CEP192: variants seen among roughly 807,000 people sequenced by gnomAD.
CEP192 encodes centrosomal protein 192.
Under a neutral mutation model 271.8 loss-of-function variants are expected in CEP192, and 151 were observed. That is an observed-to-expected ratio of 0.56 (90% CI 0.49 to 0.64). CEP192 has a LOEUF of 0.64. Ranked by LOEUF, CEP192 falls within the 30% of genes least tolerant of loss-of-function variation. CEP192 has a pLI of 0.00. For missense variants in CEP192, 2,910 were observed against 3,020.5 expected, an observed-to-expected ratio of 0.96 and a Z score of 0.86; for synonymous variants, 995 against 1,076.5, an observed-to-expected ratio of 0.92 and a Z score of 1.48.
intron 34 of CEP192, 66 bp from the exon 35 acceptor site, chr18:13,095,437 T>C: frequency 8.0e-7 from 1 of 1,246,510 alleles, no homozygotes. Flanking sequence ...TCTGGCCTTT[T>C]ATCATTTTTA....
At position 13,085,910 on chromosome 18, in the gene CEP192, G is replaced by GT. The variant is rs199803427; in HGVS notation, c.5617-1097dup. On this transcript the variant is annotated intron_variant, in intron 30 of 44. Transcript: ENST00000506447. Reference sequence around the variant, plus strand: ...TTGGTTCCATATGAACTTTAAAGTAGTTTTTTTTTTCTAATTCTGTGAAGA... The same window carrying GT: ...TTGGTTCCATATGAACTTTAAAGTAGTTTTTTTTTTTCTAATTCTGTGAAGA... Among the ~76,000 whole-genome samples, 922 of 149,886 alleles carry GT rather than the reference G, an allele frequency of 6.2e-3. 12 individuals are homozygous for GT. The highest frequency in any genetic ancestry group is 0.037 in the East Asian group (189 of 5,130).
Position 13,116,416 on chromosome 18 carries a change from G to A in CEP192, c.7329G>A (p.Glu2443=), listed in dbSNP as rs1186020881. The part of the protein sequence containing the change: ...DVTARGVYAP[E]DVYRFRPTSV... ...CTGCTCGTGGAGTTTATGCCCCAGA[G>A]GATGTGTACAGGTTCCGGCCGACTA... The change falls in exon 43 of 45, where the codon GAG becomes GAA. Residue 2443 remains glutamate (E), a synonymous_variant. Coordinates refer to ENST00000506447, the MANE Select transcript of CEP192 (RefSeq NM_032142.4). 1 of 1,613,008 alleles carries A rather than the reference G, an allele frequency of 6.2e-7. No individual in the cohort carries two copies. Among genetic ancestry groups the A allele is most frequent in the Admixed American group, 1.7e-5 (1 of 59,798 alleles).
intron 30 of CEP192, among the ~76,000 whole-genome samples, chr18:13,078,421 G>C (rs887604814): frequency 1.3e-5 from 2 of 152,186 alleles, no homozygotes; most frequent in Non-Finnish European, 2.9e-5. Flanking sequence ...ATAGCAGCAT[G>C]ATTTATAATC....
intron 1 of CEP192, among the ~76,000 whole-genome samples, chr18:12,997,705 C>T (rs2033342027): frequency 6.6e-6 from 1 of 152,130 alleles, no homozygotes; most frequent in African/African-American, 2.4e-5. Flanking sequence ...TCTTTTAACT[C>T]CTATTCCAAA....
At chr18:13,042,356 GA>G in intron 15 of CEP192, 22 bp downstream of exon 15, 1 of 1,612,142 alleles carries the variant, frequency 6.2e-7, no homozygotes, top group Non-Finnish European at 8.5e-7. Flanking sequence ...CTTTCGTAAG[GA>G]AATCTAAGAT....
At chr18:13,003,442 CTG>C (rs1239437497) in intron 3 of CEP192, among the ~76,000 whole-genome samples, 1 of 122,116 alleles carries the variant, frequency 8.2e-6, no homozygotes, top group African/African-American at 3.3e-5. Flanking sequence ...GAGTGAGACT[CTG>C]TCTCAAGAAA....
At chr18:13,096,747 T>G (rs1766216447) in intron 36 of CEP192, among the ~76,000 whole-genome samples, 1 of 152,246 alleles carries the variant, frequency 6.6e-6, no homozygotes, top group Admixed American at 6.5e-5. Flanking sequence ...ATGATGTTTT[T>G]CAGACAAAGC....
intron 15 of CEP192, among the ~76,000 whole-genome samples, chr18:13,046,275 G>T (rs1243750202): frequency 1.3e-5 from 2 of 152,248 alleles, no homozygotes; most frequent in East Asian, 3.9e-4. Context: ...ATAACACCAA[G>T]CCATGAGGGG....
At chr18:13,073,650 A>G (rs2038125018) in intron 30 of CEP192, among the ~76,000 whole-genome samples, 20 of 152,234 alleles carry the variant, frequency 1.3e-4, no homozygotes, top group Admixed American at 1.3e-3. Flanking sequence ...GCCCAAGATT[A>G]GAGCACCAGC....
chr18:13,027,114 T>C (rs2035345318), intron 9 of CEP192, among the ~76,000 whole-genome samples: 1 of 152,112 alleles, frequency 6.6e-6, no homozygotes, highest in Non-Finnish European at 1.5e-5. Flanking sequence ...TCCACAAGTG[T>C]TTCTCAGTTT....
chr18:13,030,676 A>T, intron 11 of CEP192, 68 bp downstream of exon 11: 9 of 1,290,948 alleles, frequency 7.0e-6, no homozygotes, highest in Non-Finnish European at 9.8e-6. Flanking sequence ...ATTACTGTGT[A>T]TATGTTGGTC....
At chr18:13,046,234 G>C (rs945634800) in intron 15 of CEP192, among the ~76,000 whole-genome samples, 4 of 152,124 alleles carry the variant, frequency 2.6e-5, no homozygotes, top group Non-Finnish European at 5.9e-5. Context: ...CAAACAACCA[G>C]GTCTTAGGAG....
At chr18:13,001,611 T>A in intron 3 of CEP192, 29 bp downstream of exon 3, 1 of 1,532,700 alleles carries the variant, frequency 6.5e-7, no homozygotes. Context: ...TTGCTTGTAC[T>A]GTGTTAAAAG....
rs148962615 is a variant in CEP192, at chr18:13,000,726, G to A, written c.165-731G>A. Among the ~76,000 whole-genome samples the A allele has an allele frequency of 5.9e-3, 903 of 152,328 alleles. 10 individuals are homozygous for A. Among genetic ancestry groups the A allele is most frequent in the African/African-American group, 0.021 (868 of 41,572 alleles). The stretch of plus-strand genomic sequence containing the variant: ...TCCCAGCACTTTGGGAGGCCAAGGC[G>A]GGCAGATCACCTGAGTTCAGGAGTT... On this transcript the variant is annotated intron_variant, in intron 2 of 44. Coordinates refer to ENST00000506447, the MANE Select transcript of CEP192 (RefSeq NM_032142.4).
intron 39 of CEP192, chr18:13,104,068 C>G (rs538710529): frequency 2.3e-5 from 7 of 310,250 alleles, no homozygotes; most frequent in South Asian, 1.8e-4. Flanking sequence ...GTCTTTTTCA[C>G]AAGGTGGTTT....
intron 39 of CEP192, chr18:13,103,863 G>T (rs766780883): frequency 3.3e-5 from 17 of 509,630 alleles, no homozygotes; most frequent in South Asian, 2.3e-4. Flanking sequence ...CTAACTTTTT[G>T]TTTTTTTGTA....
Position 13,017,312 on chromosome 18 carries a change from G to A in CEP192, c.765G>A (p.Lys255=), listed in dbSNP as rs750366545. 22 of 1,545,836 alleles carry A rather than the reference G, an allele frequency of 1.4e-5. No individual in the cohort carries two copies. The highest frequency in any genetic ancestry group is 1.8e-5 in the Non-Finnish European group (21 of 1,145,428). Residue 255 remains lysine (K), a synonymous_variant, in exon 7 of 45, where the codon AAG becomes AAA. Transcript: ENST00000506447. ...EGPEPPEKGF[K]LPTNGLRQAN... ...CAGAACCTCCAGAAAAAGGTTTTAA[G>A]TTACCTACAAATGGTCTTAGACAGG...
chr18:13,071,317 G>T lies in CEP192; in HGVS notation c.5348+105G>T, dbSNP rs981134314. On this transcript the variant is annotated intron_variant, in intron 28 of 44. Transcript: ENST00000506447. ...TTTTGTCATAATAGACACTCTTCAG[G>T]CTCAATTGTGCAGAACTGGAAAAAC... 3.2e-6 allele frequency: 3 copies of T among 926,496 alleles called. No homozygotes were observed. The African/African-American group carries it at 5.0e-5, about 15-fold the overall frequency. The allele number at this position is 926,496 out of a possible 1,614,324, so 57.4% of individuals were successfully genotyped here.
At chr18:13,029,201 A>C (rs1339961780) in intron 9 of CEP192, among the ~76,000 whole-genome samples, 1 of 152,354 alleles carries the variant, frequency 6.6e-6, no homozygotes, top group East Asian at 1.9e-4. Context: ...GTCTGATACA[A>C]ATTTTACTGG....
Sources: gnomAD v4.1 joint callset for allele counts (sites outside exome capture counted in the v4.1 genomes callset) on GRCh38, gnomAD v4.1.1 for gene constraint, MANE v1.5 for transcripts, NCBI Gene and HGNC (gene_info 2026-07-23, HGNC 2026-07-21) for gene names.